Variants in MALRD1 observed in about 807,000 individuals in gnomAD.
MALRD1 encodes MAM and LDL-receptor class A domain-containing protein 1.
In MALRD1, 247 loss-of-function variants were observed where a neutral mutation model predicts 242.1. The ratio of observed to expected loss-of-function variants is 1.02; its 90% CI spans 0.92 to 1.13. MALRD1 has a LOEUF of 1.13. Among genes scored for constraint, MALRD1 ranks in the 50% most tolerant of loss-of-function variants. The pLI is 0.00. For missense variants in MALRD1, 2,989 were observed against 2,533.1 expected (o/e 1.18, Z -3.86); for synonymous variants, 995 against 866.6 (o/e 1.15, Z -2.60).
intron 36 of MALRD1, among the ~76,000 whole-genome samples, chr10:19,690,044 G>A (rs1275001685): frequency 6.6e-6 from 1 of 151,952 alleles, no homozygotes. Context: ...CAAGATGGCA[G>A]GCTGATACAC....
chr10:19,699,908 G>C (rs528526525), intron 38 of MALRD1, among the ~76,000 whole-genome samples: 1 of 151,284 alleles, frequency 6.6e-6, no homozygotes, highest in African/African-American at 2.4e-5. Flanking sequence ...TCCAACACTG[G>C]GGATTACAAT....
At chr10:19,328,616 A>T (rs192468040) in intron 23 of MALRD1, among the ~76,000 whole-genome samples, 44 of 152,260 alleles carry the variant, frequency 2.9e-4, no homozygotes, top group African/African-American at 1.0e-3. Flanking sequence ...TCTCAACTCC[A>T]GTGGGAGTAT....
intron 26 of MALRD1, among the ~76,000 whole-genome samples, chr10:19,384,493 A>G (rs1384117903): frequency 1.7e-5 from 2 of 118,722 alleles, no homozygotes; most frequent in African/African-American, 6.8e-5. Flanking sequence ...TGTATGTAAT[A>G]TAATATTTAC....
intron 31 of MALRD1, among the ~76,000 whole-genome samples, chr10:19,522,782 A>T (rs7907741): frequency 0.25 from 37,819 of 152,088 alleles, 7,520 homozygotes; most frequent in African/African-American, 0.56. Flanking sequence ...AGCTTATAAG[A>T]ATCAGTATTT....
Position 19,607,912 on chromosome 10 carries a change from T to G in MALRD1, c.6070+10T>G, listed in dbSNP as rs1357995590. The G allele has an allele frequency of 1.9e-6, 3 of 1,548,958 alleles. No homozygotes were observed. Among genetic ancestry groups the G allele is most frequent in the Admixed American group, 3.9e-5 (2 of 50,886 alleles). ...GAGTCCAGCTGCTCCGGTACCCCAT[T>G]TCCATTCAGATATTCTTGTGATATG... On this transcript the variant is annotated intron_variant, in intron 35 of 39. Coordinates refer to ENST00000454679, the MANE Select transcript of MALRD1 (RefSeq NM_001142308.3).
intron 29 of MALRD1, among the ~76,000 whole-genome samples, chr10:19,474,979 T>C (rs1298164117): frequency 6.6e-6 from 1 of 152,226 alleles, no homozygotes; most frequent in Non-Finnish European, 1.5e-5. Flanking sequence ...ATTAAATGTT[T>C]ACGTACCGCT....
Position 19,362,543 on chromosome 10 carries a change from C to A in MALRD1, c.4441+10246C>A, listed in dbSNP as rs180739240. Among the ~76,000 whole-genome samples the A allele has an allele frequency of 8.0e-4, 122 of 152,166 alleles. 3 individuals carry two copies. The highest frequency in any genetic ancestry group is 1.9e-4 in the Non-Finnish European group (13 of 67,986). ...AGAATCCCACACATAGGAAGCATCC[C>A]AGGTGATGGTACCAAGACAGGGCAT... On this transcript the variant is annotated intron_variant, in intron 26 of 39. Transcript: ENST00000454679.
Position 19,283,318 on chromosome 10 carries a change from T to C in MALRD1, c.3419+137T>C, listed in dbSNP as rs1349864198. ...TTAAGTTGAAAAGGAGGCTGTTTTCTTTCATACAAAATGGAAAAATTATCA... is the reference window on the plus strand; with the variant it reads ...TTAAGTTGAAAAGGAGGCTGTTTTCCTTCATACAAAATGGAAAAATTATCA... On this transcript the variant is annotated intron_variant, in intron 21 of 39. Transcript: ENST00000454679. 4 of 728,492 alleles carry C rather than the reference T, an allele frequency of 5.5e-6. No individual in the cohort carries two copies. In the East Asian group the frequency reaches 1.0e-4, roughly 18 times the overall value. 45.1% of individuals were successfully genotyped at this position (728,492 alleles called of 1,614,324 possible).
intron 28 of MALRD1, among the ~76,000 whole-genome samples, chr10:19,424,973 A>C (rs1363455976): frequency 6.6e-6 from 1 of 152,232 alleles, no homozygotes; most frequent in African/African-American, 2.4e-5. Context: ...AAAGGAGAAA[A>C]GGATAGGATT....
chr10:19,271,830 A>T (rs1840262022), intron 19 of MALRD1, among the ~76,000 whole-genome samples: 1 of 152,184 alleles, frequency 6.6e-6, no homozygotes, highest in South Asian at 2.1e-4. Flanking sequence ...GTGAGAGGAT[A>T]TTTGGTGTAC....
At chr10:19,526,952 T>A (rs1346728576) in intron 31 of MALRD1, among the ~76,000 whole-genome samples, 6 of 152,152 alleles carry the variant, frequency 3.9e-5, no homozygotes, top group Non-Finnish European at 8.8e-5. Context: ...GAAGGTGATG[T>A]TCAGTCTGAT....
At chr10:19,351,871 G>A (rs754403313) in intron 25 of MALRD1, 135 bp from the exon 26 acceptor site, 10 of 827,624 alleles carry the variant, frequency 1.2e-5, no homozygotes, top group Non-Finnish European at 1.8e-5. Flanking sequence ...TGCAGACAGA[G>A]CAAGAGAATA....
At chr10:19,633,843 T>C in intron 36 of MALRD1, 1 of 147,020 alleles carries the variant, frequency 6.8e-6, no homozygotes, top group East Asian at 2.0e-4. Context: ...TTTCTTTCTT[T>C]TTTTTTTTTT....
In MALRD1 at chr10:19,708,406, T is replaced by C. The variant is rs1833963086; in HGVS notation, c.6314+15852T>C. On this transcript the variant is annotated intron_variant, in intron 38 of 39. Transcript: ENST00000454679. ...ATGCTAAAGTGCAAGGGCACAATCA[T>C]GGTTCACTGCAGCCTCAAGCTCCCA... Among the ~76,000 whole-genome samples the C allele has an allele frequency of 1.8e-5, 2 of 112,060 alleles. 1 individual carries two copies. Among genetic ancestry groups the C allele is most frequent in the Non-Finnish European group, 4.0e-5 (2 of 49,494 alleles). The allele number at this position is 112,060 out of a possible 152,430, so 73.5% of individuals were successfully genotyped here. A position where few individuals can be genotyped will look rare whatever the true frequency, so the allele number is the denominator to read the frequency against.
intron 24 of MALRD1, among the ~76,000 whole-genome samples, chr10:19,339,254 C>T (rs2130949618): frequency 6.6e-6 from 1 of 152,200 alleles, no homozygotes; most frequent in East Asian, 1.9e-4. Flanking sequence ...GTTTCTATTT[C>T]TGAGGTTTAA....
At chr10:19,427,029 A>G (rs2130932849) in intron 28 of MALRD1, among the ~76,000 whole-genome samples, 1 of 152,318 alleles carries the variant, frequency 6.6e-6, no homozygotes, top group Middle Eastern at 3.4e-3. Context: ...CACCTAAGTC[A>G]GTGCACTACA....
intron 34 of MALRD1, among the ~76,000 whole-genome samples, chr10:19,596,009 A>G (rs929824591): frequency 1.5e-4 from 23 of 152,222 alleles, no homozygotes; most frequent in African/African-American, 5.5e-4. Context: ...CTATGTGTGC[A>G]GTCTTGGCAG....
intron 19 of MALRD1, among the ~76,000 whole-genome samples, chr10:19,270,807 AACACACACAC>A (rs71387059): frequency 1.1e-3 from 155 of 145,136 alleles, no homozygotes; most frequent in African/African-American, 3.5e-3. Flanking sequence ...TTCAAAGGAT[AACACACACAC>A]ACACACACAC....
At chr10:19,085,511 G>GA (rs892807818) in intron 2 of MALRD1, among the ~76,000 whole-genome samples, 1 of 151,862 alleles carries the variant, frequency 6.6e-6, no homozygotes, top group African/African-American at 2.4e-5. Context: ...TTTATTACTA[G>GA]AAAAAATGTC....
Sources: allele counts gnomAD v4.1 joint callset (sites outside exome capture counted in the v4.1 genomes callset), GRCh38; gene constraint gnomAD v4.1.1; transcripts MANE v1.5; gene names NCBI Gene and HGNC (gene_info 2026-07-23, HGNC 2026-07-21).